The following SCN10A variants were observed in gnomAD, a reference collection of about 807,000 sequenced individuals.
The protein encoded by SCN10A is sodium channel protein type 10 subunit alpha.
A neutral mutation model predicts 170.7 loss-of-function variants in SCN10A; 162 were observed. The ratio of observed to expected loss-of-function variants is 0.95; its 90% CI spans 0.84 to 1.08. SCN10A has a LOEUF of 1.08. SCN10A is among the 50% of genes least tolerant of loss of function. The pLI is 0.00. For missense variants in SCN10A, 2,527 were observed against 2,436.9 expected (o/e 1.04, Z -0.78); for synonymous variants, 985 against 904.6 (o/e 1.09, Z -1.59).
intron 1 of SCN10A, among the ~76,000 whole-genome samples, chr3:38,794,815 T>C (rs974108919): frequency 3.3e-5 from 5 of 152,178 alleles, no homozygotes; most frequent in Admixed American, 2.0e-4. Flanking sequence ...TTTCTCACTA[T>C]TCCCTGTCTT....
intron 25 of SCN10A, among the ~76,000 whole-genome samples, chr3:38,707,740 C>A (rs1031951939): frequency 1.3e-5 from 2 of 152,194 alleles, no homozygotes; most frequent in Admixed American, 1.3e-4. Flanking sequence ...ATTCTTTGGG[C>A]TTCTAGAGTC....
intron 25 of SCN10A, among the ~76,000 whole-genome samples, chr3:38,708,508 G>C (rs923341065): frequency 6.6e-6 from 1 of 152,246 alleles, no homozygotes; most frequent in South Asian, 2.1e-4. Context: ...CCTGGGCAAG[G>C]ATTTCCTGTA....
chr3:38,704,106 C>T (rs2063184773), intron 26 of SCN10A, among the ~76,000 whole-genome samples: 1 of 152,166 alleles, frequency 6.6e-6, no homozygotes, highest in Admixed American at 6.5e-5. Flanking sequence ...AAGAGAAGAA[C>T]CTGTCTGATC....
intron 15 of SCN10A, 123 bp from the exon 16 acceptor site, chr3:38,729,024 G>A (rs775658964): frequency 1.6e-4 from 199 of 1,257,872 alleles, no homozygotes; most frequent in African/African-American, 2.4e-4. Flanking sequence ...AAACCAGGGC[G>A]TTTTCTGGAC....
At chr3:38,789,169 C>A (rs769428087) in intron 3 of SCN10A, 133 bp from the exon 4 acceptor site, 7 of 652,122 alleles carry the variant, frequency 1.1e-5, no homozygotes. Flanking sequence ...CACATAATAA[C>A]CACTAACATT....
chr3:38,748,830 C>T (rs75497516), intron 13 of SCN10A, among the ~76,000 whole-genome samples: 2,180 of 152,278 alleles, frequency 0.014, 69 homozygotes, highest in East Asian at 0.089. Context: ...GTTTCTCCTG[C>T]CTTTCTTACT....
Position 38,794,053 on chromosome 3 carries a change from T to G in SCN10A, c.-32-11A>C. 3 of 1,582,212 alleles carry G rather than the reference T, an allele frequency of 1.9e-6. No individual in the cohort carries two copies. The highest frequency in any genetic ancestry group is 2.6e-6 in the Non-Finnish European group (3 of 1,154,166). ...GGAAGTATTTATACTCTTATAAGAG[T>G]GGACATAACCACAGAGAGGTGACAG... is the stretch of plus-strand genomic sequence containing the variant. On this transcript the variant is annotated splice_polypyrimidine_tract_variant and intron_variant, in intron 1 of 27. Coordinates refer to ENST00000449082, the MANE Select transcript of SCN10A (RefSeq NM_006514.4).
intron 15 of SCN10A, among the ~76,000 whole-genome samples, chr3:38,734,463 C>G (rs976826450): frequency 6.6e-6 from 1 of 152,142 alleles, no homozygotes; most frequent in Non-Finnish European, 1.5e-5. Flanking sequence ...TTTTAGCAAA[C>G]TAAATCTTCC....
intron 4 of SCN10A, among the ~76,000 whole-genome samples, chr3:38,787,828 C>A (rs1181010048): frequency 1.3e-5 from 2 of 151,780 alleles, no homozygotes; most frequent in African/African-American, 4.8e-5. Flanking sequence ...CCTAGCCCCC[C>A]ACCCCTCAAC....
Position 38,810,728 on chromosome 3 carries a change from C to T in SCN10A, c.-33+5309G>A, listed in dbSNP as rs191663263. ...AAATCATTCTGTCTATAGCTCTGTG[C>T]CCCTGGTGCCTGGCAGCAAACAGCA... On this transcript the variant is annotated intron_variant, in intron 1 of 27. Transcript: ENST00000449082. Among the ~76,000 whole-genome samples, 546 of 152,306 alleles carry T rather than the reference C, an allele frequency of 3.6e-3. 5 individuals carry two copies. Among genetic ancestry groups the T allele is most frequent in the African/African-American group, 0.013 (530 of 41,560 alleles).
In SCN10A at chr3:38,718,702, T is replaced by C. The variant is rs752793109; in HGVS notation, c.3632A>G (p.Lys1211Arg). 2.5e-6 allele frequency: 4 copies of C among 1,614,230 alleles called. No individual in the cohort carries two copies. The highest frequency in any genetic ancestry group is 1.3e-5 in the African/African-American group (1 of 75,058). The change falls in exon 21 of 28, where the codon AAA becomes AGA. Residue 1211 changes from lysine to arginine, a missense_variant. Transcript: ENST00000449082. The stretch of plus-strand genomic sequence containing the variant: ...GCACCAGGCATTGGTGAAGTACTTT[T>C]TGAAGCCATAGGCCACCCACTTAAG... ...MLLKWVAYGF[K>R]KYFTNAWCWL...
Position 38,752,211 on chromosome 3 carries a change from A to T in SCN10A, c.1755+8T>A. ...GCCTGAGGGAGTCTGAAGCATTCAC[A>T]AACTCACCGAGACATCGACAGCTCC... On this transcript the variant is annotated splice_region_variant and intron_variant, in intron 12 of 27. Coordinates refer to ENST00000449082, the MANE Select transcript of SCN10A (RefSeq NM_006514.4). 1 of 1,501,486 alleles carries T rather than the reference A, an allele frequency of 6.7e-7. No homozygotes were observed. The highest frequency in any genetic ancestry group is 8.9e-7 in the Non-Finnish European group (1 of 1,124,180). The allele number at this position is 1,501,486 out of a possible 1,614,324, so 93.0% of individuals were successfully genotyped here. A position where few individuals can be genotyped will look rare whatever the true frequency, so the allele number is the denominator to read the frequency against.
chr3:38,815,417 T>A lies in SCN10A; in HGVS notation c.-33+620A>T, dbSNP rs569383543. ...ACATTCAGAGTCAATAGGCCTGGAG[T>A]GGGGTCCAAGAGTCTGTGTTTCTAA... On this transcript the variant is annotated intron_variant, in intron 1 of 27. Coordinates refer to ENST00000449082, the MANE Select transcript of SCN10A (RefSeq NM_006514.4). Among the ~76,000 whole-genome samples, 4 of 152,234 alleles carry A rather than the reference T, an allele frequency of 2.6e-5. No individual in the cohort carries two copies. In the South Asian group the frequency reaches 8.3e-4, roughly 32 times the overall value.
chr3:38,723,693 C>G, intron 18 of SCN10A, 140 bp from the exon 19 acceptor site: 1 of 1,078,244 alleles, frequency 9.3e-7, no homozygotes, highest in Admixed American at 2.4e-5. Context: ...CTCCCTGGAG[C>G]CCCAGAGGCT....
chr3:38,733,216 C>T (rs2063528219), intron 15 of SCN10A, among the ~76,000 whole-genome samples: 1 of 152,000 alleles, frequency 6.6e-6, no homozygotes, highest in Non-Finnish European at 1.5e-5. Flanking sequence ...TAAAACAAAC[C>T]TTGGCTTTCC....
In SCN10A at chr3:38,701,906, C is replaced by G. The variant is rs1415733342; in HGVS notation, c.4590G>C (p.Leu1530Phe). 2 of 1,614,186 alleles carry G rather than the reference C, an allele frequency of 1.2e-6. No individual in the cohort carries two copies. Among genetic ancestry groups the G allele is most frequent in the Non-Finnish European group, 1.7e-6 (2 of 1,180,024 alleles). ...AGCCATTTGTGAAGTAGTACTGCCT[C>G]AAAGCGAACATCTTCATGACACATT... ...TGECVMKMFALRQYYFTNGWN... is the reference protein window; with the variant it reads ...TGECVMKMFAFRQYYFTNGWN... The change falls in exon 27 of 28, where the codon TTG becomes TTC. Residue 1530 changes from leucine (L) to phenylalanine (F), a missense_variant. By Grantham distance (22) the Leu-to-Phe change is conservative. Coordinates refer to ENST00000449082, the MANE Select transcript of SCN10A (RefSeq NM_006514.4).
At position 38,698,434 on chromosome 3, in the gene SCN10A, G is replaced by C. The variant is rs1486513002; in HGVS notation, c.4786C>G (p.Leu1596Val). 2 of 1,614,124 alleles carry C rather than the reference G, an allele frequency of 1.2e-6. No homozygotes were observed. Among genetic ancestry groups the C allele is most frequent in the Non-Finnish European group, 1.7e-6 (2 of 1,180,040 alleles). Residue 1596 changes from leucine to valine, a missense_variant, in exon 28 of 28, where the codon CTG (leucine) becomes GTG (valine). Physicochemically the swap from Leu to Val is conservative, Grantham distance 32 (BLOSUM62 1). Transcript: ENST00000449082. ...LIRAAKGIRT[L>V]LFALMMSLPA... is the part of the protein sequence containing the mutation. ...AGGGACATCATGAGGGCAAAGAGCA[G>C]TGTGCGGATCCCCTTGGCCGCTCGG...
intron 5 of SCN10A, 27 bp from the exon 6 acceptor site, chr3:38,763,623 C>T: frequency 1.9e-6 from 3 of 1,570,958 alleles, no homozygotes; most frequent in South Asian, 1.1e-5. Flanking sequence ...TAGTCAGCAT[C>T]TCTGCAAGCA....
rs558883300 is a variant in SCN10A, at chr3:38,769,812, C to T, written c.599+1467G>A. Reference sequence around the variant, plus strand: ...ATGGGGCTTCCTGAGAGCTGGACTGCAGTGATCGTTATTGTTCTTCTGGGC... The same window carrying T: ...ATGGGGCTTCCTGAGAGCTGGACTGTAGTGATCGTTATTGTTCTTCTGGGC... On this transcript the variant is annotated intron_variant, in intron 5 of 27. Coordinates refer to ENST00000449082, the MANE Select transcript of SCN10A (RefSeq NM_006514.4). Among the ~76,000 whole-genome samples, 3 of 152,248 alleles carry T rather than the reference C, an allele frequency of 2.0e-5. No homozygotes were observed. The South Asian group carries it at 6.2e-4, about 32-fold the overall frequency.
Sources: gnomAD v4.1 joint callset for allele counts (sites outside exome capture counted in the v4.1 genomes callset) on GRCh38, gnomAD v4.1.1 for gene constraint, MANE v1.5 for transcripts, NCBI Gene and HGNC (gene_info 2026-07-23, HGNC 2026-07-21) for gene names.